Variants in GRIK4 observed in about 807,000 individuals in gnomAD.
GRIK4 encodes the protein glutamate receptor ionotropic, kainate 4.
In GRIK4, 40 loss-of-function variants were observed where a neutral mutation model predicts 104.9. That is an observed-to-expected ratio of 0.38 (90% CI 0.30 to 0.50). The LOEUF (loss-of-function observed/expected upper bound fraction) is 0.50, where lower values mean the gene tolerates loss of function less well. Ranked by LOEUF, GRIK4 falls within the 20% of genes least tolerant of loss-of-function variation. The pLI, the probability that GRIK4 is intolerant of heterozygous loss-of-function variation, is 0.93. For synonymous variants in GRIK4, 485 were observed against 524.9 expected, an observed-to-expected ratio of 0.92 and a Z score of 1.04; for missense variants, 1,047 against 1,308.1, an observed-to-expected ratio of 0.80 and a Z score of 3.08.
chr11:120,872,114 G>A, intron 9 of GRIK4: 1 of 348,106 alleles, frequency 2.9e-6, no homozygotes, highest in South Asian at 2.3e-5. Flanking sequence ...ACCTGAGGGG[G>A]CACAGCCCCT....
intron 3 of GRIK4, among the ~76,000 whole-genome samples, chr11:120,800,011 C>CT (rs527634022): frequency 0.055 from 7,675 of 139,402 alleles, 222 homozygotes; most frequent in Middle Eastern, 0.11. Context: ...CCATGCCTGG[C>CT]TTTTTTTTTT....
chr11:120,910,590 C>T (rs1271881611), intron 13 of GRIK4, among the ~76,000 whole-genome samples: 1 of 152,210 alleles, frequency 6.6e-6, no homozygotes, highest in African/African-American at 2.4e-5. Context: ...AGGAGACAGA[C>T]TGGAGTAGCT....
chr11:120,725,905 T>G lies in GRIK4; in HGVS notation c.82+65505T>G, dbSNP rs370688842. The stretch of plus-strand genomic sequence containing the variant: ...AAGAGAATTCTAGTGATGGTGGTGG[T>G]GGGGGGTATACAGACAGACAATATT... On this transcript the variant is annotated intron_variant, in intron 3 of 20. Coordinates refer to ENST00000527524, the MANE Select transcript of GRIK4 (RefSeq NM_014619.5). Among the ~76,000 whole-genome samples, 873 of 152,196 alleles carry G rather than the reference T, an allele frequency of 5.7e-3. 10 individuals are homozygous for G. Among genetic ancestry groups the G allele is most frequent in the African/African-American group, 0.016 (654 of 41,526 alleles).
chr11:120,592,637 C>T (rs554013161), intron 1 of GRIK4, among the ~76,000 whole-genome samples: 1 of 152,282 alleles, frequency 6.6e-6, no homozygotes, highest in South Asian at 2.1e-4. Flanking sequence ...TCTCCCTCAG[C>T]ACTTCCCACA....
In GRIK4 at chr11:120,531,761, A is replaced by G. The variant is rs910135750; in HGVS notation, c.-159+19874A>G. ...CAGCTAATTTTTGTATTTTTAGTAGAGACGGGTTTTCACCATGTTGGCCAG... is the reference window on the plus strand; with the variant it reads ...CAGCTAATTTTTGTATTTTTAGTAGGGACGGGTTTTCACCATGTTGGCCAG... On this transcript the variant is annotated intron_variant, in intron 1 of 20. Coordinates refer to ENST00000527524, the MANE Select transcript of GRIK4 (RefSeq NM_014619.5). Among the ~76,000 whole-genome samples the G allele has an allele frequency of 9.2e-5, 14 of 152,054 alleles. No individual in the cohort carries two copies. The South Asian group carries it at 1.7e-3, about 18-fold the overall frequency.
intron 1 of GRIK4, among the ~76,000 whole-genome samples, chr11:120,652,746 A>C (rs1464141242): frequency 6.6e-6 from 1 of 152,178 alleles, no homozygotes; most frequent in Non-Finnish European, 1.5e-5. Context: ...ACTGGTGGCT[A>C]TCAGCCTCCT....
At chr11:120,546,796 T>G (rs1217779888) in intron 1 of GRIK4, among the ~76,000 whole-genome samples, 1 of 152,130 alleles carries the variant, frequency 6.6e-6, no homozygotes, top group Non-Finnish European at 1.5e-5. Flanking sequence ...GTGTGGCTAC[T>G]AGGAGTAAGG....
chr11:120,786,743 A>G (rs1463445410), intron 3 of GRIK4, among the ~76,000 whole-genome samples: 4 of 152,234 alleles, frequency 2.6e-5, no homozygotes, highest in African/African-American at 9.6e-5. Context: ...TGGAAGATGA[A>G]GATGAGACCT....
chr11:120,853,322 C>T (rs908135695), intron 8 of GRIK4, among the ~76,000 whole-genome samples: 1 of 152,084 alleles, frequency 6.6e-6, no homozygotes, highest in Non-Finnish European at 1.5e-5. Flanking sequence ...GGGGGAAGTT[C>T]ATGATCAAAT....
intron 14 of GRIK4, among the ~76,000 whole-genome samples, chr11:120,945,265 C>T (rs1369897806): frequency 2.0e-5 from 3 of 152,222 alleles, no homozygotes; most frequent in African/African-American, 7.2e-5. Context: ...CTTGCTCTTC[C>T]ACGCAGCTCC....
rs764594056 is a variant in GRIK4 at position 120,653,844 on chromosome 11, G to C, written c.-51+52G>C. The stretch of plus-strand genomic sequence containing the variant: ...GGTGGAGGAAGAGGCAGGCTCTGAG[G>C]GGGGCAGCTGCTCAAGAGCATTCAT... On this transcript the variant is annotated intron_variant, in intron 2 of 20. Coordinates refer to ENST00000527524, the MANE Select transcript of GRIK4 (RefSeq NM_014619.5). 4.6e-5 allele frequency: 7 copies of C among 152,374 alleles called. No individual in the cohort carries two copies. The East Asian group carries it at 9.6e-4, about 21-fold the overall frequency. The allele number at this position is 152,374 out of a possible 1,614,324, so 9.4% of individuals were successfully genotyped here.
At chr11:120,540,197 G>A (rs1948018880) in intron 1 of GRIK4, among the ~76,000 whole-genome samples, 2 of 152,202 alleles carry the variant, frequency 1.3e-5, no homozygotes, top group African/African-American at 4.8e-5. Flanking sequence ...GTGGGAAAGT[G>A]CATGGAGATG....
chr11:120,681,434 G>A (rs1950191937), intron 3 of GRIK4, among the ~76,000 whole-genome samples: 1 of 152,152 alleles, frequency 6.6e-6, no homozygotes, highest in Non-Finnish European at 1.5e-5. Flanking sequence ...GCTGCAACAG[G>A]TGCTGCGCCT....
At chr11:120,529,921 C>G (rs926416687) in intron 1 of GRIK4, among the ~76,000 whole-genome samples, 1 of 152,224 alleles carries the variant, frequency 6.6e-6, no homozygotes, top group African/African-American at 2.4e-5. Flanking sequence ...CTGGCATGCC[C>G]CGAGTCACAC....
chr11:120,927,184 T>A (rs2850807), intron 13 of GRIK4, among the ~76,000 whole-genome samples: 133,167 of 152,008 alleles, frequency 0.88, 59,285 homozygotes, highest in East Asian at 0.99. Context: ...AGGAGTTGGG[T>A]CTTTATGAAC....
chr11:120,980,416 C>T (rs598804), intron 19 of GRIK4, among the ~76,000 whole-genome samples: 35,940 of 152,150 alleles, frequency 0.24, 4,468 homozygotes, highest in African/African-American at 0.31. Flanking sequence ...CAACCCCAGC[C>T]AGCTCCTTGG....
intron 19 of GRIK4, among the ~76,000 whole-genome samples, chr11:120,969,954 G>T (rs1944447633): frequency 2.0e-5 from 3 of 152,178 alleles, no homozygotes; most frequent in Admixed American, 2.0e-4. Context: ...GCACTATGCT[G>T]CAATCTTGGT....
At chr11:120,651,945 T>G (rs1949625070) in intron 1 of GRIK4, among the ~76,000 whole-genome samples, 1 of 152,188 alleles carries the variant, frequency 6.6e-6, no homozygotes, top group Non-Finnish European at 1.5e-5. Context: ...AACTGCATGC[T>G]AGGTTCTGGG....
chr11:120,622,248 G>T (rs1949198860), intron 1 of GRIK4, among the ~76,000 whole-genome samples: 2 of 152,092 alleles, frequency 1.3e-5, no homozygotes, highest in Non-Finnish European at 2.9e-5. Context: ...CACCAACACT[G>T]GGATGTGGTA....
Sources: allele counts gnomAD v4.1 joint callset (sites outside exome capture counted in the v4.1 genomes callset), GRCh38; gene constraint gnomAD v4.1.1; transcripts MANE v1.5; gene names NCBI Gene and HGNC (gene_info 2026-07-23, HGNC 2026-07-21).